The following CDC42BPB variants were observed in gnomAD, a reference collection of about 807,000 sequenced individuals.
CDC42BPB encodes the protein serine/threonine-protein kinase MRCK beta.
A neutral mutation model predicts 214.9 loss-of-function variants in CDC42BPB; 37 were observed. That is an observed-to-expected ratio of 0.17 (90% CI 0.13 to 0.23). CDC42BPB has a LOEUF of 0.23. CDC42BPB is among the 10% of genes least tolerant of loss of function. CDC42BPB has a pLI of 1.00. For synonymous variants in CDC42BPB, 931 were observed against 884.0 expected, an observed-to-expected ratio of 1.05 and a Z score of -0.94; for missense variants, 1,694 against 2,227.0, an observed-to-expected ratio of 0.76 and a Z score of 4.82.
intron 1 of CDC42BPB, among the ~76,000 whole-genome samples, chr14:103,027,999 G>A (rs573677845): frequency 7.9e-5 from 12 of 152,298 alleles, no homozygotes; most frequent in African/African-American, 2.6e-4. Context: ...GCGTGGTGGT[G>A]CGCACCTGTA....
At chr14:102,994,850 T>C (rs1894654804) in intron 5 of CDC42BPB, among the ~76,000 whole-genome samples, 1 of 152,226 alleles carries the variant, frequency 6.6e-6, no homozygotes, top group Non-Finnish European at 1.5e-5. Context: ...CTTGTGGAAC[T>C]TCCTGCTGCA....
Position 102,970,214 on chromosome 14 carries a change from G to C in CDC42BPB, c.1932C>G (p.Arg644=), listed in dbSNP as rs755399293. 6.2e-7 allele frequency: 1 copy of C among 1,613,868 alleles called. No individual in the cohort carries two copies. Among genetic ancestry groups the C allele is most frequent in the Non-Finnish European group, 8.5e-7 (1 of 1,179,958 alleles). The part of the protein sequence containing the change: ...DDAVAEASKE[R]KLREHSENFC... Reference sequence around the variant, plus strand: ...AGTTCTCGCTGTGCTCACGAAGCTTGCGCTCCTTGGAGGCCTCAGCAACAG... The same window carrying C: ...AGTTCTCGCTGTGCTCACGAAGCTTCCGCTCCTTGGAGGCCTCAGCAACAG... The change falls in exon 14 of 37, where the codon CGC becomes CGG. Residue 644 remains arginine (R), a synonymous_variant. Transcript: ENST00000361246.
rs1893111026 is a variant in CDC42BPB, at chr14:102,964,619, T to C, written c.2609A>G (p.Lys870Arg). ...CTCCAGCCGCGCGGACATGTCCAGC[T>C]TCTGGCTGCGGCGCACCTTCCACAG... ...DPLWKVRRSQ[K>R]LDMSARLELQ... is the part of the protein sequence containing the mutation. The change falls in exon 19 of 37, where the codon AAG becomes AGG. Residue 870 changes from lysine to arginine, a missense_variant. Lys to Arg is a conservative substitution (Grantham distance 26). Around this residue, in one of 7 missense-constraint regions of CDC42BPB, gnomAD observed 55 missense variants for 95.5 expected, o/e 0.58. Coordinates refer to ENST00000361246, the MANE Select transcript of CDC42BPB (RefSeq NM_006035.4). 1 of 1,613,824 alleles carries C rather than the reference T, an allele frequency of 6.2e-7. No homozygotes were observed. The highest frequency in any genetic ancestry group is 8.5e-7 in the Non-Finnish European group (1 of 1,179,880).
In CDC42BPB at chr14:102,945,824, C is replaced by T. The variant is rs559488616; in HGVS notation, c.3749-100G>A. On this transcript the variant is annotated intron_variant, in intron 28 of 36. Transcript: ENST00000361246. ...GGCTCATTCACAGATACTTTTCAAC[C>T]ATATGTGGATGAGAATACAGCATTC... 102 of 1,001,878 alleles carry T rather than the reference C, an allele frequency of 1.0e-4. No homozygotes were observed. In the East Asian group the frequency reaches 1.4e-3, roughly 13 times the overall value. The allele number at this position is 1,001,878 out of a possible 1,614,324, so 62.1% of individuals were successfully genotyped here.
At chr14:103,053,575 C>T (rs561867318) in intron 1 of CDC42BPB, among the ~76,000 whole-genome samples, 8 of 151,352 alleles carry the variant, frequency 5.3e-5, no homozygotes, top group Admixed American at 2.0e-4. Context: ...TCCTGGCTAA[C>T]ACGGTGAAAC....
rs935052135 is a variant in CDC42BPB, at chr14:102,943,059, G to C, written c.4408+832C>G. Among the ~76,000 whole-genome samples, 3 of 152,148 alleles carry C rather than the reference G, an allele frequency of 2.0e-5. No homozygotes were observed. Among genetic ancestry groups the C allele is most frequent in the African/African-American group, 7.2e-5 (3 of 41,432 alleles). ...AATTTTTTTTTGTATTTTTAGTAGAGATGGGGTTTCACCCTATTAGCCAGG... is the reference window on the plus strand; with the variant it reads ...AATTTTTTTTTGTATTTTTAGTAGACATGGGGTTTCACCCTATTAGCCAGG... On this transcript the variant is annotated intron_variant, in intron 30 of 36. Transcript: ENST00000361246. The surrounding 1 kb of genome is among the most constrained non-coding windows in gnomAD (Gnocchi z 4.6).
At chr14:103,047,148 G>C (rs937517336) in intron 1 of CDC42BPB, among the ~76,000 whole-genome samples, 4 of 149,150 alleles carry the variant, frequency 2.7e-5, no homozygotes, top group African/African-American at 1.0e-4. Context: ...GCTGGGCTTG[G>C]TGGTGGACGC....
chr14:103,019,146 CT>C (rs1206306313), intron 1 of CDC42BPB, among the ~76,000 whole-genome samples: 1 of 152,118 alleles, frequency 6.6e-6, no homozygotes, highest in Non-Finnish European at 1.5e-5. Flanking sequence ...ATTGTCCAGG[CT>C]GGTCTAGAAC....
chr14:102,945,361 C>A (rs1466227783), intron 29 of CDC42BPB: 1 of 514,374 alleles, frequency 1.9e-6, no homozygotes, highest in Non-Finnish European at 3.8e-6. Flanking sequence ...GAAACTAAAG[C>A]TTCTCAAGTG....
Position 102,933,747 on chromosome 14 carries a change from G to C in CDC42BPB, c.5101C>G (p.Leu1701Val), listed in dbSNP as rs140640502. Reference protein sequence around the residue: ...PNSPHRSQLPLEGLEQPACDT With the variant: ...PNSPHRSQLPVEGLEQPACDT ...CAGGCCGGCTGCTCCAGGCCTTCGA[G>C]GGGGAGCTGGCTCCTGTGGGGGGAG... The change falls in exon 37 of 37, where the codon CTC becomes GTC. Residue 1701 changes from leucine to valine, a missense_variant. Around this residue, in one of 7 missense-constraint regions of CDC42BPB, gnomAD observed 146 missense variants for 134.1 expected, o/e 1.09. Transcript: ENST00000361246. 4.1e-5 allele frequency: 62 copies of C among 1,494,710 alleles called. No individual in the cohort carries two copies. In the African/African-American group the frequency reaches 7.0e-4, roughly 17 times the overall value. 92.6% of individuals were successfully genotyped at this position (1,494,710 alleles called of 1,614,324 possible).
chr14:102,973,830 G>A (rs1035861677), intron 12 of CDC42BPB, among the ~76,000 whole-genome samples, 186 bp downstream of exon 12: 32 of 152,226 alleles, frequency 2.1e-4, no homozygotes, highest in South Asian at 2.1e-4. Flanking sequence ...CAGCCGACGC[G>A]GGGGCTGTGC....
At chr14:102,977,780 G>A (rs1160758914) in intron 9 of CDC42BPB, among the ~76,000 whole-genome samples, 2 of 152,136 alleles carry the variant, frequency 1.3e-5, no homozygotes, top group Non-Finnish European at 2.9e-5. Context: ...CTGGCCTCTG[G>A]GAGAAATCCT....
intron 5 of CDC42BPB, among the ~76,000 whole-genome samples, chr14:102,987,670 C>CA (rs1161348643): frequency 6.6e-6 from 1 of 152,022 alleles, no homozygotes; most frequent in Non-Finnish European, 1.5e-5. Flanking sequence ...AAACCAGAAA[C>CA]AAAAACACAA....
At chr14:103,028,937 CCTT>C (rs931157089) in intron 1 of CDC42BPB, among the ~76,000 whole-genome samples, 1 of 152,164 alleles carries the variant, frequency 6.6e-6, no homozygotes, top group African/African-American at 2.4e-5. Context: ...GTTGCTGAAA[CCTT>C]CTGCATATAA....
At chr14:103,014,509 G>C (rs1886346935) in intron 1 of CDC42BPB, among the ~76,000 whole-genome samples, 1 of 152,272 alleles carries the variant, frequency 6.6e-6, no homozygotes, top group Admixed American at 6.5e-5. Flanking sequence ...TCTTACCACT[G>C]CAGGAGTGGC....
Position 103,004,103 on chromosome 14 carries a change from C to G in CDC42BPB, c.352-80G>C. On this transcript the variant is annotated intron_variant, in intron 3 of 36. Coordinates refer to ENST00000361246, the MANE Select transcript of CDC42BPB (RefSeq NM_006035.4). The surrounding 1 kb of genome is among the most constrained non-coding windows in gnomAD (Gnocchi z 5.3). ...CGTACTGCCGGTCTCGGGGTCCCTC[C>G]TGGGACAGTGGCTCCAGCCACGGTG... 6.9e-7 allele frequency: 1 copy of G among 1,456,010 alleles called. No individual in the cohort carries two copies. Among genetic ancestry groups the G allele is most frequent in the Non-Finnish European group, 9.1e-7 (1 of 1,098,612 alleles). 90.2% of individuals were successfully genotyped at this position (1,456,010 alleles called of 1,614,324 possible).
At chr14:103,029,856 TC>T (rs1241307265) in intron 1 of CDC42BPB, among the ~76,000 whole-genome samples, 3 of 60,144 alleles carry the variant, frequency 5.0e-5, no homozygotes, top group Admixed American at 2.5e-4. Flanking sequence ...AGACTCCATC[TC>T]CAAAAAAAAA....
intron 1 of CDC42BPB, among the ~76,000 whole-genome samples, chr14:103,017,876 AT>A (rs949102028): frequency 5.9e-4 from 90 of 152,338 alleles, no homozygotes; most frequent in African/African-American, 2.1e-3. Context: ...TCAATGCTAC[AT>A]TCCTGATTGT....
intron 5 of CDC42BPB, among the ~76,000 whole-genome samples, chr14:102,989,510 T>C (rs1322940439): frequency 6.6e-6 from 1 of 152,252 alleles, no homozygotes; most frequent in Non-Finnish European, 1.5e-5. Flanking sequence ...TGTCCACTCT[T>C]AGGAGACTAC....
Sources: allele counts gnomAD v4.1 joint callset (sites outside exome capture counted in the v4.1 genomes callset), GRCh38; gene constraint gnomAD v4.1.1; regional missense constraint gnomAD v4.1.1; non-coding constraint Gnocchi (gnomAD v3.1); transcripts MANE v1.5; gene names NCBI Gene and HGNC (gene_info 2026-07-23, HGNC 2026-07-21).